The following CWF19L2 variants were observed in gnomAD, a reference collection of about 807,000 sequenced individuals.
CWF19L2 encodes the protein CWF19 like cell cycle control factor 2.
In CWF19L2, 98 loss-of-function variants were observed where a neutral mutation model predicts 111.7. The ratio of observed to expected loss-of-function variants is 0.88; its 90% confidence interval spans 0.75 to 1.04. The LOEUF is 1.04. CWF19L2 is among the 50% of genes least tolerant of loss of function. The pLI, the probability that CWF19L2 is intolerant of heterozygous loss-of-function variation, is 0.00. For missense variants in CWF19L2, 1,101 were observed against 1,051.4 expected, an observed-to-expected ratio of 1.05 and a Z score of -0.65; for synonymous variants, 351 against 342.9, an observed-to-expected ratio of 1.02 and a Z score of -0.26.
At chr11:107,382,395 A>G (rs929552272) in intron 12 of CWF19L2, among the ~76,000 whole-genome samples, 37 of 152,198 alleles carry the variant, frequency 2.4e-4, no homozygotes, top group African/African-American at 8.7e-4. Flanking sequence ...TGTGGGGACT[A>G]GGAAAGTTAC....
chr11:107,409,457 C>T (rs1261093658), intron 10 of CWF19L2, among the ~76,000 whole-genome samples: 2 of 152,074 alleles, frequency 1.3e-5, no homozygotes, highest in African/African-American at 2.4e-5. Context: ...AAAGCTACTA[C>T]ACCATTAGGC....
At chr11:107,331,249 A>C (rs573814147) in intron 16 of CWF19L2, among the ~76,000 whole-genome samples, 2 of 152,202 alleles carry the variant, frequency 1.3e-5, no homozygotes, top group Non-Finnish European at 2.9e-5. Flanking sequence ...GTGTTACCTC[A>C]GACAAGTTAA....
intron 6 of CWF19L2, among the ~76,000 whole-genome samples, chr11:107,438,338 A>G (rs1353364842): frequency 6.6e-6 from 1 of 152,226 alleles, no homozygotes. Context: ...TGACATTTAA[A>G]TATTTTGTCT....
chr11:107,353,319 A>G (rs762744829), intron 13 of CWF19L2, among the ~76,000 whole-genome samples: 1 of 152,220 alleles, frequency 6.6e-6, no homozygotes, highest in African/African-American at 2.4e-5. Flanking sequence ...ATGAATTACT[A>G]TTATGTACTA....
At position 107,443,054 on chromosome 11, in the gene CWF19L2, G is replaced by C; in HGVS notation, c.340-5C>G. On this transcript the variant is annotated splice_region_variant and splice_polypyrimidine_tract_variant and intron_variant, in intron 3 of 17. Transcript: ENST00000282251. The stretch of plus-strand genomic sequence containing the variant: ...AACCCACTCATCTTCAGAGCTCTAA[G>C]AACATTTAGCATATAAGTGAAATTG... 1 of 1,521,784 alleles carries C rather than the reference G, an allele frequency of 6.6e-7. No individual in the cohort carries two copies. The highest frequency in any genetic ancestry group is 8.9e-7 in the Non-Finnish European group (1 of 1,119,472). 94.3% of individuals were successfully genotyped at this position (1,521,784 alleles called of 1,614,324 possible).
intron 10 of CWF19L2, among the ~76,000 whole-genome samples, chr11:107,412,212 A>G (rs934965731): frequency 1.3e-5 from 2 of 152,248 alleles, no homozygotes; most frequent in Non-Finnish European, 2.9e-5. Context: ...ACAAGTGTAC[A>G]CATATATATA....
intron 17 of CWF19L2, among the ~76,000 whole-genome samples, chr11:107,328,778 G>A (rs1859800788): frequency 1.3e-5 from 2 of 151,710 alleles, no homozygotes; most frequent in South Asian, 2.1e-4. Context: ...AGAGCTTTTG[G>A]TTATAAAGCT....
chr11:107,382,329 T>C (rs1170756541), intron 12 of CWF19L2, among the ~76,000 whole-genome samples: 1 of 152,250 alleles, frequency 6.6e-6, no homozygotes, highest in Non-Finnish European at 1.5e-5. Context: ...TACTGTTTAA[T>C]GTGGACTGAA....
intron 8 of CWF19L2, among the ~76,000 whole-genome samples, chr11:107,423,746 T>C (rs560077112): frequency 2.0e-5 from 3 of 151,996 alleles, no homozygotes; most frequent in Non-Finnish European, 4.4e-5. Context: ...CCTATTGAGC[T>C]CCATATCCAG....
At chr11:107,335,781 A>G (rs1859914182) in intron 15 of CWF19L2, among the ~76,000 whole-genome samples, 1 of 152,180 alleles carries the variant, frequency 6.6e-6, no homozygotes. Context: ...TAATGAAGCA[A>G]ATTTTAAAGA....
chr11:107,453,188 A>G (rs975405628), intron 3 of CWF19L2, among the ~76,000 whole-genome samples: 2 of 152,230 alleles, frequency 1.3e-5, no homozygotes, highest in African/African-American at 2.4e-5. Context: ...CTTCAGAGAA[A>G]TATCACACGA....
intron 5 of CWF19L2, among the ~76,000 whole-genome samples, chr11:107,440,958 G>A (rs1861611949): frequency 6.6e-6 from 1 of 152,202 alleles, no homozygotes; most frequent in African/African-American, 2.4e-5. Context: ...TCCTGGTACA[G>A]TATAAATTGG....
intron 13 of CWF19L2, among the ~76,000 whole-genome samples, chr11:107,349,624 T>A (rs1591155572): frequency 6.7e-6 from 1 of 149,438 alleles, no homozygotes. Flanking sequence ...CAAACTGTCT[T>A]AAAAAAAAAA....
chr11:107,385,763 C>A (rs1161361101), intron 12 of CWF19L2, among the ~76,000 whole-genome samples: 1 of 152,242 alleles, frequency 6.6e-6, no homozygotes, highest in Non-Finnish European at 1.5e-5. Flanking sequence ...CTCCATCCCC[C>A]CCAGGGGACA....
At chr11:107,419,049 A>T (rs1443250619) in intron 8 of CWF19L2, among the ~76,000 whole-genome samples, 1 of 152,212 alleles carries the variant, frequency 6.6e-6, no homozygotes, top group Non-Finnish European at 1.5e-5. Flanking sequence ...AGAAAATCCC[A>T]GAGAACTGCA....
intron 10 of CWF19L2, chr11:107,404,736 T>C: frequency 3.6e-6 from 1 of 280,086 alleles, no homozygotes; most frequent in South Asian, 4.7e-5. Context: ...TAGCACAGTG[T>C]CAAATAGTGG....
At chr11:107,427,944 T>C (rs1049662038) in intron 8 of CWF19L2, among the ~76,000 whole-genome samples, 4 of 152,132 alleles carry the variant, frequency 2.6e-5, no homozygotes, top group African/African-American at 9.7e-5. Flanking sequence ...AAAAGTGATT[T>C]ATCAGACTCA....
At chr11:107,358,791 T>C (rs530124191) in intron 12 of CWF19L2, among the ~76,000 whole-genome samples, 2 of 152,310 alleles carry the variant, frequency 1.3e-5, no homozygotes, top group East Asian at 3.9e-4. Flanking sequence ...TCTGTGAGTC[T>C]TTCCAGTAAA....
At chr11:107,332,702 T>C (rs1267231421) in intron 16 of CWF19L2, among the ~76,000 whole-genome samples, 2 of 152,170 alleles carry the variant, frequency 1.3e-5, no homozygotes, top group East Asian at 3.8e-4. Flanking sequence ...TGTTCAAAAA[T>C]ACTTTTATTA....
Sources: allele counts gnomAD v4.1 joint callset (sites outside exome capture counted in the v4.1 genomes callset), GRCh38; gene constraint gnomAD v4.1.1; transcripts MANE v1.5; gene names NCBI Gene and HGNC (gene_info 2026-07-23, HGNC 2026-07-21).